ZMYND8: variants seen among roughly 807,000 people sequenced by gnomAD.
The protein encoded by ZMYND8 is MYND-type zinc finger-containing chromatin reader ZMYND8.
Under a neutral mutation model 140.8 loss-of-function variants are expected in ZMYND8, and 37 were observed. The ratio of observed to expected loss-of-function variants is 0.26; its 90% CI spans 0.20 to 0.35. The LOEUF (loss-of-function observed/expected upper bound fraction) is 0.35, where lower values mean the gene tolerates loss of function less well. Ranked by LOEUF, ZMYND8 falls within the 10% of genes least tolerant of loss-of-function variation. The probability of loss-of-function intolerance (pLI) is 1.00; values close to 1 mark genes in which losing one functional copy is unlikely to be tolerated. For synonymous variants in ZMYND8, 592 were observed against 597.1 expected (o/e 0.99, Z 0.12); for missense variants, 1,068 against 1,570.0 (o/e 0.68, Z 5.40).
At chr20:47,219,724 G>GA (rs966503401) in intron 21 of ZMYND8, among the ~76,000 whole-genome samples, 3 of 152,026 alleles carry the variant, frequency 2.0e-5, no homozygotes, top group African/African-American at 7.2e-5. Flanking sequence ...CCCCACAGAA[G>GA]AAAAAACCTA....
chr20:47,355,495 G>A (rs2083147162), intron 1 of ZMYND8: 1 of 985,300 alleles, frequency 1.0e-6, no homozygotes, highest in Admixed American at 6.1e-5. Context: ...CAGTTAGGAA[G>A]AGAGAACAGG....
chr20:47,213,345 T>A (rs2035563980), intron 21 of ZMYND8, among the ~76,000 whole-genome samples: 1 of 152,074 alleles, frequency 6.6e-6, no homozygotes, highest in Non-Finnish European at 1.5e-5. Flanking sequence ...GTGAGAAGCT[T>A]CATAGGAAAA....
chr20:47,297,445 A>G (rs865828539), intron 4 of ZMYND8, among the ~76,000 whole-genome samples: 3 of 151,324 alleles, frequency 2.0e-5, no homozygotes, highest in Admixed American at 1.3e-4. Context: ...TTTTTGAGAC[A>G]TGATCTTGCT....
chr20:47,281,952 C>A, intron 10 of ZMYND8, 150 bp downstream of exon 10: 1 of 682,944 alleles, frequency 1.5e-6, no homozygotes, highest in African/African-American at 1.8e-5. Flanking sequence ...CTTAACATAC[C>A]ACAGGAAATT....
rs759577027 is a variant in ZMYND8, at chr20:47,276,618, G to A, written c.1176C>T (p.Asn392=). The part of the protein sequence containing the change: ...YSPFRTPYTP[N]SQYQMLLDPT... Reference sequence around the variant, plus strand: ...GATCGAGCAGCATTTGATACTGGCTGTTGGGTGTGTAGGGTGTCCTAAATG... The same window carrying A: ...GATCGAGCAGCATTTGATACTGGCTATTGGGTGTGTAGGGTGTCCTAAATG... Residue 392 remains asparagine (N), a synonymous_variant, in exon 11 of 23, where the codon AAC becomes AAT. Coordinates refer to ENST00000471951, the MANE Select transcript of ZMYND8 (RefSeq NM_001281775.3). 1.4e-5 allele frequency: 22 copies of A among 1,613,818 alleles called. No homozygotes were observed. Among genetic ancestry groups the A allele is most frequent in the Middle Eastern group, 1.6e-4 (1 of 6,084 alleles).
chr20:47,241,294 CAAA>C (rs11476591), intron 14 of ZMYND8, among the ~76,000 whole-genome samples: 1 of 62,026 alleles, frequency 1.6e-5, no homozygotes, highest in Non-Finnish European at 3.8e-5. Context: ...GACTCCGTCT[CAAA>C]AAAAAAAAAA....
At chr20:47,322,121 A>G (rs1026521320) in intron 2 of ZMYND8, among the ~76,000 whole-genome samples, 3 of 152,126 alleles carry the variant, frequency 2.0e-5, no homozygotes, top group Non-Finnish European at 2.9e-5. Context: ...TCAGCCGCCC[A>G]AAGTGCTGGG....
chr20:47,284,697 G>A (rs908313464), intron 8 of ZMYND8, among the ~76,000 whole-genome samples: 4 of 152,024 alleles, frequency 2.6e-5, no homozygotes, highest in African/African-American at 4.8e-5. Context: ...CTCCACTGAC[G>A]ACAATCCGAA....
intron 14 of ZMYND8, among the ~76,000 whole-genome samples, chr20:47,244,364 C>A (rs2040295773): frequency 6.6e-6 from 1 of 152,214 alleles, no homozygotes; most frequent in Admixed American, 6.5e-5. Flanking sequence ...TTAGTTAATT[C>A]TTCAGTATCT....
At chr20:47,319,523 C>A (rs888767281) in intron 2 of ZMYND8, 1 of 169,976 alleles carries the variant, frequency 5.9e-6, no homozygotes, top group East Asian at 1.6e-4. Flanking sequence ...TCCTTTCCCA[C>A]TAGACACAGC....
rs557332871 is a variant in ZMYND8 at position 47,328,493 on chromosome 20, A to T, written c.86-18289T>A. On this transcript the variant is annotated intron_variant, in intron 2 of 22. Coordinates refer to ENST00000471951, the MANE Select transcript of ZMYND8 (RefSeq NM_001281775.3). ...AGTTAATTCTTTTTTTTTTCGAGAC[A>T]GAGTCTGTTGTCCAAGCTGGAGTGC... Among the ~76,000 whole-genome samples the T allele has an allele frequency of 2.0e-5, 3 of 151,906 alleles. No individual in the cohort carries two copies. The East Asian group carries it at 5.8e-4, about 29-fold the overall frequency.
At chr20:47,318,510 G>T (rs1473239102) in intron 2 of ZMYND8, 1 of 355,958 alleles carries the variant, frequency 2.8e-6, no homozygotes, top group Non-Finnish European at 5.6e-6. Context: ...GAGCATAGAA[G>T]TAAGAAATCA....
intron 3 of ZMYND8, among the ~76,000 whole-genome samples, chr20:47,306,891 A>G (rs1479215023): frequency 1.3e-5 from 2 of 152,230 alleles, no homozygotes; most frequent in Non-Finnish European, 1.5e-5. Flanking sequence ...TGAAATGAGC[A>G]GAGCAGGCTG....
chr20:47,275,591 C>CT (rs2076209279), intron 11 of ZMYND8, among the ~76,000 whole-genome samples: 1 of 151,624 alleles, frequency 6.6e-6, no homozygotes. Flanking sequence ...TGTTTTTTAC[C>CT]TTTTTTTGTT....
chr20:47,215,821 A>G (rs913716075), intron 21 of ZMYND8, among the ~76,000 whole-genome samples: 2 of 152,244 alleles, frequency 1.3e-5, no homozygotes, highest in African/African-American at 4.8e-5. Flanking sequence ...TCAAGGCTTC[A>G]GCAGCGACAC....
intron 3 of ZMYND8, among the ~76,000 whole-genome samples, chr20:47,305,071 C>T (rs1002649642): frequency 5.9e-5 from 9 of 151,378 alleles, no homozygotes; most frequent in African/African-American, 2.2e-4. Flanking sequence ...GACCCTATCT[C>T]TACAAAAAGT....
At position 47,294,697 on chromosome 20, in the gene ZMYND8, T is replaced by G; in HGVS notation, c.536A>C (p.Lys179Thr). The part of the protein sequence containing the change: ...LTIEQLSYLL[K>T]FAIQKMKQPG... Reference sequence around the variant, plus strand: ...CTGTTTCATTTTCTGAATGGCAAACTTGAGCAGGTAGGATAACTGTTCAAT... The same window carrying G: ...CTGTTTCATTTTCTGAATGGCAAACGTGAGCAGGTAGGATAACTGTTCAAT... Residue 179 changes from lysine (K) to threonine (T), a missense_variant, in exon 5 of 23, where the codon AAG (lysine) becomes ACG (threonine). Physicochemically the swap from Lys to Thr is moderately conservative, Grantham distance 78. This residue lies in a region of ZMYND8 where 109 missense variants were observed against 314.9 expected (regional missense o/e 0.35). Coordinates refer to ENST00000471951, the MANE Select transcript of ZMYND8 (RefSeq NM_001281775.3). 2 of 1,614,222 alleles carry G rather than the reference T, an allele frequency of 1.2e-6. No homozygotes were observed. The highest frequency in any genetic ancestry group is 1.7e-6 in the Non-Finnish European group (2 of 1,180,020).
At chr20:47,303,603 G>A (rs751524950) in intron 3 of ZMYND8, among the ~76,000 whole-genome samples, 1 of 152,120 alleles carries the variant, frequency 6.6e-6, no homozygotes, top group Middle Eastern at 3.4e-3. Context: ...GTTGAGGCAG[G>A]AAGAAGTGCT....
At chr20:47,348,717 ACATTCTCTCTCT>A (rs1168916142) in intron 1 of ZMYND8, 1 of 152,010 alleles carries the variant, frequency 6.6e-6, no homozygotes, top group Non-Finnish European at 1.5e-5. Flanking sequence ...GTCACCCAGA[ACATTCTCTCTCT>A]CTCTCTGCTG....
Sources: gnomAD v4.1 joint callset for allele counts (sites outside exome capture counted in the v4.1 genomes callset) on GRCh38, gnomAD v4.1.1 for gene constraint, gnomAD v4.1.1 regional missense constraint, MANE v1.5 for transcripts, NCBI Gene and HGNC (gene_info 2026-07-23, HGNC 2026-07-21) for gene names.